Variants in MCHR2 observed in about 807,000 individuals in gnomAD.
MCHR2 encodes melanin-concentrating hormone receptor 2.
Under a neutral mutation model 24.8 loss-of-function variants are expected in MCHR2, and 15 were observed. The observed-to-expected ratio is 0.60, with a 90% CI of 0.40 to 0.93. The LOEUF is 0.93. MCHR2 is among the 40% of genes least tolerant of loss of function. The probability of loss-of-function intolerance (pLI) is 0.00; values close to 1 mark genes in which losing one functional copy is unlikely to be tolerated. For missense variants in MCHR2, 386 were observed against 408.7 expected, an observed-to-expected ratio of 0.94 and a Z score of 0.48; for synonymous variants, 151 against 147.6, an observed-to-expected ratio of 1.02 and a Z score of -0.17.
intron 3 of MCHR2, among the ~76,000 whole-genome samples, chr6:99,945,963 C>T (rs1774864224): frequency 1.3e-5 from 2 of 151,648 alleles, no homozygotes; most frequent in South Asian, 2.1e-4. Context: ...TCTTCCAAGG[C>T]AGAAAATGCC....
intron 1 of MCHR2, among the ~76,000 whole-genome samples, chr6:99,983,698 CTT>C (rs1471444955): frequency 2.0e-5 from 3 of 151,006 alleles, no homozygotes; most frequent in Non-Finnish European, 4.4e-5. Flanking sequence ...ACTCTCTTCT[CTT>C]GACTTCCTTG....
chr6:99,938,284 G>A (rs938730947), intron 4 of MCHR2, among the ~76,000 whole-genome samples: 7 of 151,696 alleles, frequency 4.6e-5, no homozygotes, highest in Non-Finnish European at 8.8e-5. Flanking sequence ...AGGTACATTC[G>A]TGGGTTGTTT....
chr6:99,939,213 C>T (rs1774726067), intron 4 of MCHR2, among the ~76,000 whole-genome samples: 1 of 152,012 alleles, frequency 6.6e-6, no homozygotes, highest in Non-Finnish European at 1.5e-5. Flanking sequence ...CTTACTACTG[C>T]CATCTTGTTG....
chr6:99,958,465 G>T (rs957248033), intron 1 of MCHR2, among the ~76,000 whole-genome samples: 3 of 151,802 alleles, frequency 2.0e-5, no homozygotes, highest in African/African-American at 7.3e-5. Context: ...AGTATCTTTA[G>T]GTCCTTGGAG....
chr6:99,942,852 A>G (rs1774798585), intron 4 of MCHR2, 97 bp downstream of exon 4: 1 of 972,198 alleles, frequency 1.0e-6, no homozygotes, highest in Non-Finnish European at 1.5e-6. Flanking sequence ...AAGAGGATCC[A>G]TAAGGATACT....
chr6:99,982,830 A>G (rs998280622), intron 1 of MCHR2, among the ~76,000 whole-genome samples: 1 of 152,198 alleles, frequency 6.6e-6, no homozygotes, highest in African/African-American at 2.4e-5. Context: ...AGACAAATGG[A>G]AAGTGACACT....
At chr6:99,959,800 AG>A (rs1775141425) in intron 1 of MCHR2, among the ~76,000 whole-genome samples, 1 of 149,502 alleles carries the variant, frequency 6.7e-6, no homozygotes, top group African/African-American at 2.4e-5. Context: ...AATATAAACT[AG>A]GCAGAGGAGT....
At chr6:99,929,413 G>T (rs141704954) in intron 5 of MCHR2, among the ~76,000 whole-genome samples, 1 of 152,110 alleles carries the variant, frequency 6.6e-6, no homozygotes, top group Non-Finnish European at 1.5e-5. Flanking sequence ...CTGTCTCATT[G>T]ATCTGTCTAA....
Position 99,934,863 on chromosome 6 carries a change from A to G in MCHR2, c.588-346T>C, listed in dbSNP as rs184956709. ...AGGCACTGTTCTAAGCATTTTGTAT[A>G]TCTTTACTCATTGAATCTGTGAAAC... On this transcript the variant is annotated intron_variant, in intron 4 of 5. Coordinates refer to ENST00000281806, the MANE Select transcript of MCHR2 (RefSeq NM_001040179.2). 1.4e-4 allele frequency among the ~76,000 whole-genome samples: 21 copies of G among 152,172 alleles called. No individual in the cohort carries two copies. In the East Asian group the frequency reaches 3.5e-3, roughly 25 times the overall value.
intron 5 of MCHR2, among the ~76,000 whole-genome samples, chr6:99,932,686 GT>G (rs1383013818): frequency 6.6e-6 from 1 of 152,138 alleles, no homozygotes; most frequent in African/African-American, 2.4e-5. Context: ...TATTGGGAAT[GT>G]TCTACAGGAT....
At chr6:99,927,496 T>C (rs890714208) in intron 5 of MCHR2, among the ~76,000 whole-genome samples, 4 of 152,204 alleles carry the variant, frequency 2.6e-5, no homozygotes, top group African/African-American at 9.7e-5. Context: ...TTTCTTTGTA[T>C]CCTCTTTTAT....
intron 5 of MCHR2, among the ~76,000 whole-genome samples, chr6:99,922,712 T>C (rs13191744): frequency 0.14 from 20,576 of 152,132 alleles, 1,614 homozygotes; most frequent in Non-Finnish European, 0.17. Flanking sequence ...GGTGTGTGAA[T>C]TTGTTTCTGG....
intron 1 of MCHR2, among the ~76,000 whole-genome samples, chr6:99,978,449 G>T (rs1582408549): frequency 7.0e-6 from 1 of 141,994 alleles, no homozygotes; most frequent in Non-Finnish European, 1.5e-5. Context: ...TTGAGACGGA[G>T]TCTTGCTCTG....
At chr6:99,963,101 A>T (rs1345541854) in intron 1 of MCHR2, among the ~76,000 whole-genome samples, 1 of 137,980 alleles carries the variant, frequency 7.2e-6, no homozygotes, top group Non-Finnish European at 1.6e-5. Context: ...AAACATACAA[A>T]TGACAATTAA....
chr6:99,921,330 T>G, intron 5 of MCHR2, 75 bp from the exon 6 acceptor site: 1 of 1,357,786 alleles, frequency 7.4e-7, no homozygotes, highest in Non-Finnish European at 1.0e-6. Flanking sequence ...CCTAGAACCT[T>G]TTGGACAGTT....
chr6:99,938,428 T>G (rs1204680908), intron 4 of MCHR2, among the ~76,000 whole-genome samples: 1 of 152,080 alleles, frequency 6.6e-6, no homozygotes, highest in Non-Finnish European at 1.5e-5. Context: ...ATGTTTAAAT[T>G]TCTTTCTTGA....
rs369152293 is a variant in MCHR2 at position 99,943,735 on chromosome 6, C to T, written c.393-592G>A. Among the ~76,000 whole-genome samples the T allele has an allele frequency of 2.0e-5, 3 of 152,090 alleles. No individual in the cohort carries two copies. In the South Asian group the frequency reaches 6.2e-4, roughly 32 times the overall value. On this transcript the variant is annotated intron_variant, in intron 3 of 5. Coordinates refer to ENST00000281806, the MANE Select transcript of MCHR2 (RefSeq NM_001040179.2). ...CTTGACCCTGCAAGTCTGAATAAAC[C>T]ACTCACTGAAATAGTTGTTCCTTCT... is the stretch of plus-strand genomic sequence containing the variant.
intron 5 of MCHR2, among the ~76,000 whole-genome samples, chr6:99,930,570 TG>T (rs777282494): frequency 6.7e-6 from 1 of 149,376 alleles, no homozygotes; most frequent in Non-Finnish European, 1.5e-5. Flanking sequence ...ACTTCCCTTT[TG>T]CTTCATTTCA....
intron 1 of MCHR2, among the ~76,000 whole-genome samples, chr6:99,978,995 G>A (rs781561852): frequency 2.6e-5 from 4 of 152,166 alleles, no homozygotes; most frequent in Non-Finnish European, 4.4e-5. Context: ...GGCTGTGCAG[G>A]TTGCGTACTG....
Sources: gnomAD v4.1 joint callset for allele counts (sites outside exome capture counted in the v4.1 genomes callset) on GRCh38, gnomAD v4.1.1 for gene constraint, MANE v1.5 for transcripts, NCBI Gene and HGNC (gene_info 2026-07-23, HGNC 2026-07-21) for gene names.